JAZF1: variants seen among roughly 807,000 people sequenced by gnomAD.
The protein encoded by JAZF1 is juxtaposed with another zinc finger protein 1.
A neutral mutation model predicts 26.4 loss-of-function variants in JAZF1; 8 were observed. The ratio of observed to expected loss-of-function variants is 0.30; its 90% CI spans 0.18 to 0.55. JAZF1 has a LOEUF of 0.55. Ranked by LOEUF, JAZF1 falls within the 20% of genes least tolerant of loss-of-function variation. The probability of loss-of-function intolerance (pLI) is 0.94; values close to 1 mark genes in which losing one functional copy is unlikely to be tolerated. For synonymous variants in JAZF1, 126 were observed against 122.3 expected, an observed-to-expected ratio of 1.03 and a Z score of -0.20; for missense variants, 199 against 322.0, an observed-to-expected ratio of 0.62 and a Z score of 2.92.
chr7:27,905,386 T>C (rs1314762357), intron 2 of JAZF1, among the ~76,000 whole-genome samples: 1 of 151,642 alleles, frequency 6.6e-6, no homozygotes, highest in African/African-American at 2.4e-5. Flanking sequence ...GCCAATTTCA[T>C]ACCAAACCTT....
At chr7:27,844,359 A>G (rs1782979855) in intron 3 of JAZF1, 1 of 152,224 alleles carries the variant, frequency 6.6e-6, no homozygotes, top group African/African-American at 2.4e-5. Context: ...AAGCTCGTTC[A>G]TTCATCTTCA....
chr7:27,934,537 A>G (rs1279394926), intron 2 of JAZF1, among the ~76,000 whole-genome samples: 5 of 152,174 alleles, frequency 3.3e-5, no homozygotes, highest in African/African-American at 1.2e-4. Flanking sequence ...CCAGATTGTT[A>G]TGATAAATGC....
intron 1 of JAZF1, among the ~76,000 whole-genome samples, chr7:28,171,598 G>C (rs1783470615): frequency 6.6e-6 from 1 of 152,064 alleles, no homozygotes; most frequent in Admixed American, 6.5e-5. Flanking sequence ...GACAGAGAGG[G>C]GAAGACCCAT....
At chr7:27,937,405 A>C (rs1784777020) in intron 2 of JAZF1, among the ~76,000 whole-genome samples, 2 of 152,142 alleles carry the variant, frequency 1.3e-5, no homozygotes, top group East Asian at 1.9e-4. Flanking sequence ...TGTTGTGAGG[A>C]TTAAATGAAG....
chr7:27,949,327 G>C (rs532007484), intron 2 of JAZF1, among the ~76,000 whole-genome samples: 1 of 152,068 alleles, frequency 6.6e-6, no homozygotes, highest in Non-Finnish European at 1.5e-5. Context: ...TTCTATTGTC[G>C]TGCCCTCCTG....
rs1399346577 is a variant in JAZF1, at chr7:28,129,666, T to C, written c.115+50797A>G. On this transcript the variant is annotated intron_variant, in intron 1 of 4. Transcript: ENST00000283928. Reference sequence around the variant, plus strand: ...TGAGAAAAAGTCTGTATGTCTCTCATTAAAGTAAGTTTTTAATAAGTAATT... The same window carrying C: ...TGAGAAAAAGTCTGTATGTCTCTCACTAAAGTAAGTTTTTAATAAGTAATT... 4.6e-5 allele frequency among the ~76,000 whole-genome samples: 7 copies of C among 152,172 alleles called. No individual in the cohort carries two copies. The East Asian group carries it at 1.3e-3, about 29-fold the overall frequency.
chr7:28,125,621 C>G (rs1275272182), intron 1 of JAZF1, among the ~76,000 whole-genome samples: 1 of 152,026 alleles, frequency 6.6e-6, no homozygotes, highest in Non-Finnish European at 1.5e-5. Flanking sequence ...AATGCTGATA[C>G]AAAAAATCCC....
intron 1 of JAZF1, among the ~76,000 whole-genome samples, chr7:28,152,757 G>A (rs1436319555): frequency 1.3e-5 from 2 of 152,168 alleles, no homozygotes; most frequent in Non-Finnish European, 2.9e-5. Flanking sequence ...ATGCAGAGGC[G>A]AAATTCAGCT....
rs372942874 is a variant in JAZF1, at chr7:27,888,271, A to G, written c.385+6949T>C. ...AAATTCAGTCAGGCTGAAGAATTTC[A>G]CCTTTCTCCCCTCATTTTCCACTAT... On this transcript the variant is annotated intron_variant, in intron 3 of 4. Coordinates refer to ENST00000283928, the MANE Select transcript of JAZF1 (RefSeq NM_175061.4). 3.9e-5 allele frequency among the ~76,000 whole-genome samples: 6 copies of G among 152,308 alleles called. No individual in the cohort carries two copies. In the East Asian group the frequency reaches 1.2e-3, roughly 29 times the overall value.
At chr7:28,104,392 C>T (rs548159893) in intron 1 of JAZF1, among the ~76,000 whole-genome samples, 7 of 152,156 alleles carry the variant, frequency 4.6e-5, no homozygotes, top group Non-Finnish European at 5.9e-5. Flanking sequence ...ATCCTTTGTA[C>T]CTAGGACAGG....
At chr7:27,972,813 A>C (rs1467150580) in intron 2 of JAZF1, among the ~76,000 whole-genome samples, 2 of 152,200 alleles carry the variant, frequency 1.3e-5, no homozygotes, top group East Asian at 3.9e-4. Context: ...TTACACGAAA[A>C]ACAAAAGATA....
At chr7:27,885,917 G>C (rs1453822518) in intron 3 of JAZF1, among the ~76,000 whole-genome samples, 1 of 152,138 alleles carries the variant, frequency 6.6e-6, no homozygotes, top group Non-Finnish European at 1.5e-5. Flanking sequence ...AAAAAGGCTG[G>C]ATTCAGCTTA....
In JAZF1 at chr7:28,160,325, C is replaced by G. The variant is rs976863687; in HGVS notation, c.115+20138G>C. Reference sequence around the variant, plus strand: ...TGTCACTCTCTCCCCTCACCCTGTTCTACCTTTCTTTCCAGCCCTTACCAC... The same window carrying G: ...TGTCACTCTCTCCCCTCACCCTGTTGTACCTTTCTTTCCAGCCCTTACCAC... On this transcript the variant is annotated intron_variant, in intron 1 of 4. Transcript: ENST00000283928. Among the ~76,000 whole-genome samples the G allele has an allele frequency of 1.1e-4, 16 of 152,290 alleles. No individual in the cohort carries two copies. In the South Asian group the frequency reaches 3.3e-3, roughly 32 times the overall value.
At chr7:27,925,568 T>C (rs1784592232) in intron 2 of JAZF1, among the ~76,000 whole-genome samples, 1 of 152,102 alleles carries the variant, frequency 6.6e-6, no homozygotes, top group Non-Finnish European at 1.5e-5. Context: ...ACTACAGGCA[T>C]GGGTCACCGT....
intron 1 of JAZF1, among the ~76,000 whole-genome samples, chr7:28,068,386 A>C (rs1783919864): frequency 6.6e-6 from 1 of 152,206 alleles, no homozygotes. Context: ...TCATGCATGC[A>C]TAATAAATTG....
intron 3 of JAZF1, among the ~76,000 whole-genome samples, chr7:27,852,626 A>C (rs1783171732): frequency 6.6e-6 from 1 of 152,070 alleles, no homozygotes. Flanking sequence ...CCCAGGCCCT[A>C]CTTTTTCTAG....
intron 2 of JAZF1, among the ~76,000 whole-genome samples, chr7:27,991,313 C>T (rs1409788181): frequency 6.6e-6 from 1 of 152,128 alleles, no homozygotes; most frequent in East Asian, 1.9e-4. Flanking sequence ...CCAAATATTA[C>T]TGTCTCCCTA....
At chr7:27,912,121 A>G (rs922344887) in intron 2 of JAZF1, among the ~76,000 whole-genome samples, 1 of 152,196 alleles carries the variant, frequency 6.6e-6, no homozygotes, top group African/African-American at 2.4e-5. Flanking sequence ...TGCAATAAGT[A>G]GCTCAAATTC....
chr7:27,968,724 A>G lies in JAZF1; in HGVS notation c.188+23185T>C, dbSNP rs1785320363. Among the ~76,000 whole-genome samples, 6 of 152,338 alleles carry G rather than the reference A, an allele frequency of 3.9e-5. No individual in the cohort carries two copies. In the South Asian group the frequency reaches 1.2e-3, roughly 32 times the overall value. On this transcript the variant is annotated intron_variant, in intron 2 of 4. Coordinates refer to ENST00000283928, the MANE Select transcript of JAZF1 (RefSeq NM_175061.4). Reference sequence around the variant, plus strand: ...TATTCCCGCTGTCTAGCAAAGATTAATGCAATATAGAAACCAGCTTTTCAT... The same window carrying G: ...TATTCCCGCTGTCTAGCAAAGATTAGTGCAATATAGAAACCAGCTTTTCAT...
Sources: gnomAD v4.1 joint callset for allele counts (sites outside exome capture counted in the v4.1 genomes callset) on GRCh38, gnomAD v4.1.1 for gene constraint, MANE v1.5 for transcripts, NCBI Gene and HGNC (gene_info 2026-07-23, HGNC 2026-07-21) for gene names.